Variants in DAB1 observed in about 807,000 individuals in gnomAD.
DAB1 encodes disabled homolog 1.
In DAB1, 15 loss-of-function variants were observed where a neutral mutation model predicts 64.6. The ratio of observed to expected loss-of-function variants is 0.23; its 90% confidence interval spans 0.16 to 0.36. The LOEUF (loss-of-function observed/expected upper bound fraction) is 0.36, where lower values mean the gene tolerates loss of function less well. Among genes scored for constraint, DAB1 ranks in the 10% least tolerant of loss-of-function variants. The pLI is 1.00. For synonymous variants in DAB1, 235 were observed against 251.9 expected (o/e 0.93, Z 0.64); for missense variants, 596 against 706.7 (o/e 0.84, Z 1.78).
intron 4 of DAB1, among the ~76,000 whole-genome samples, chr1:58,231,334 AG>A (rs1659766524): frequency 6.6e-6 from 1 of 152,216 alleles, no homozygotes; most frequent in Admixed American, 6.5e-5. Context: ...ATTCTATCAT[AG>A]GCAGAGCAGA....
chr1:58,069,952 C>T (rs1264953711), intron 5 of DAB1, among the ~76,000 whole-genome samples: 1 of 152,186 alleles, frequency 6.6e-6, no homozygotes, highest in Non-Finnish European at 1.5e-5. Context: ...TGCCCTTGCC[C>T]ACAGAGTCAG....
rs115039636 is a variant in DAB1 at position 58,429,778 on chromosome 1, G to A, written n.257+76282C>T. On this transcript the variant is annotated intron_variant and non_coding_transcript_variant, in intron 3 of 20. Transcript: ENST00000485760. Reference sequence around the variant, plus strand: ...TCCCTGAGCACCGCTTGCTTTCAGTGTAAAGCAAATATAGTAATGATGACT... The same window carrying A: ...TCCCTGAGCACCGCTTGCTTTCAGTATAAAGCAAATATAGTAATGATGACT... Among the ~76,000 whole-genome samples the A allele has an allele frequency of 6.2e-3, 949 of 152,320 alleles. 9 individuals are homozygous for A. The highest frequency in any genetic ancestry group is 0.022 in the African/African-American group (902 of 41,558).
intron 7 of DAB1, among the ~76,000 whole-genome samples, chr1:57,478,964 A>C (rs1570557894): frequency 6.6e-6 from 1 of 152,146 alleles, no homozygotes; most frequent in East Asian, 1.9e-4. Flanking sequence ...GTGAATGGCT[A>C]GTAGATTTCT....
intron 1 of DAB1, among the ~76,000 whole-genome samples, chr1:57,869,436 G>A (rs992460411): frequency 6.6e-6 from 1 of 151,658 alleles, no homozygotes; most frequent in African/African-American, 2.4e-5. Context: ...CACAAACAAA[G>A]TTGACACTTC....
At chr1:58,256,656 ACTGT>A (rs1275955961) in intron 4 of DAB1, among the ~76,000 whole-genome samples, 1 of 152,220 alleles carries the variant, frequency 6.6e-6, no homozygotes, top group East Asian at 1.9e-4. Context: ...CCATGTTTAT[ACTGT>A]CTGTCTGTCA....
At chr1:57,116,580 T>C (rs1488866275) in intron 4 of DAB1, among the ~76,000 whole-genome samples, 3 of 152,028 alleles carry the variant, frequency 2.0e-5, no homozygotes, top group African/African-American at 7.2e-5. Flanking sequence ...CTCATTTTAT[T>C]ATCCAAGTGG....
intron 3 of DAB1, chr1:58,505,911 C>A: frequency 1.9e-6 from 1 of 516,968 alleles, no homozygotes; most frequent in Non-Finnish European, 3.3e-6. Context: ...GCTTTTCAGT[C>A]AAATTCTGTG....
intron 4 of DAB1, among the ~76,000 whole-genome samples, chr1:58,328,633 T>G (rs968658998): frequency 6.6e-6 from 1 of 151,818 alleles, no homozygotes; most frequent in African/African-American, 2.4e-5. Context: ...CAAGATGGAG[T>G]CTTGCTCTGT....
chr1:57,813,901 C>T (rs1369366180), intron 6 of DAB1, among the ~76,000 whole-genome samples: 1 of 152,168 alleles, frequency 6.6e-6, no homozygotes, highest in Non-Finnish European at 1.5e-5. Context: ...AAAGGATCAG[C>T]ACCCTCTTCC....
intron 9 of DAB1, among the ~76,000 whole-genome samples, chr1:57,031,369 T>C (rs1158951094): frequency 6.6e-6 from 1 of 152,204 alleles, no homozygotes; most frequent in South Asian, 2.1e-4. Context: ...TTCCATCTGA[T>C]AATACTGCTC....
intron 5 of DAB1, among the ~76,000 whole-genome samples, chr1:57,928,035 T>A (rs763791906): frequency 1.3e-5 from 2 of 152,224 alleles, no homozygotes; most frequent in African/African-American, 4.8e-5. Context: ...TGAATATCAT[T>A]AACTGGAGTT....
Position 57,198,515 on chromosome 1 carries a change from T to C in DAB1, c.68-53086A>G, listed in dbSNP as rs377126058. On this transcript the variant is annotated intron_variant, in intron 2 of 14. Transcript: ENST00000371236. ...CACTATATTCCAAGAACACTGGCCT[T>C]CTCTCAATCCCTCAATCACCAAACC... Among the ~76,000 whole-genome samples, 41 of 152,140 alleles carry C rather than the reference T, an allele frequency of 2.7e-4. No individual in the cohort carries two copies. The East Asian group carries it at 4.6e-3, about 17-fold the overall frequency.
At chr1:58,405,931 C>G (rs1644612593) in intron 3 of DAB1, among the ~76,000 whole-genome samples, 1 of 152,150 alleles carries the variant, frequency 6.6e-6, no homozygotes, top group Non-Finnish European at 1.5e-5. Context: ...AAAGAATAGG[C>G]CATGTCTCAG....
At chr1:57,105,360 C>T (rs148158190) in intron 4 of DAB1, among the ~76,000 whole-genome samples, 121 of 152,014 alleles carry the variant, frequency 8.0e-4, no homozygotes, top group African/African-American at 2.7e-3. Context: ...GAGAAAAAGC[C>T]CTTTCAAGCG....
rs1188611188 is a variant in DAB1 at position 58,435,378 on chromosome 1, A to G, written n.257+70682T>C. ...TCTTTCCTTACTCTATATGCTTTCC[A>G]TGACCTTGTTTTTCCCCCATGGTCG... is the stretch of plus-strand genomic sequence containing the variant. On this transcript the variant is annotated intron_variant and non_coding_transcript_variant, in intron 3 of 20. Transcript: ENST00000485760. 2.0e-5 allele frequency among the ~76,000 whole-genome samples: 3 copies of G among 151,928 alleles called. No homozygotes were observed. In the East Asian group the frequency reaches 5.8e-4, roughly 29 times the overall value.
chr1:57,498,935 TG>T (rs1422802094), intron 7 of DAB1, among the ~76,000 whole-genome samples: 1 of 152,086 alleles, frequency 6.6e-6, no homozygotes, highest in African/African-American at 2.4e-5. Flanking sequence ...AGGGAGGAAA[TG>T]GGGGCAGGAG....
At chr1:58,325,009 T>A (rs187324554) in intron 4 of DAB1, among the ~76,000 whole-genome samples, 16 of 152,334 alleles carry the variant, frequency 1.1e-4, no homozygotes, top group African/African-American at 3.6e-4. Flanking sequence ...TGGCCTGGAA[T>A]CTTTCTCAAC....
chr1:58,387,185 C>T (rs1644439223), intron 3 of DAB1, among the ~76,000 whole-genome samples: 2 of 152,222 alleles, frequency 1.3e-5, no homozygotes, highest in African/African-American at 2.4e-5. Flanking sequence ...TGGTGGCAAA[C>T]ACTGCTGGCC....
At chr1:57,199,222 T>C (rs1337893780) in intron 2 of DAB1, among the ~76,000 whole-genome samples, 1 of 152,248 alleles carries the variant, frequency 6.6e-6, no homozygotes, top group Non-Finnish European at 1.5e-5. Context: ...ATAGGGTTCC[T>C]GCAGCTTTTA....
Sources: gnomAD v4.1 joint callset for allele counts (sites outside exome capture counted in the v4.1 genomes callset) on GRCh38, gnomAD v4.1.1 for gene constraint, MANE v1.5 for transcripts, NCBI Gene and HGNC (gene_info 2026-07-23, HGNC 2026-07-21) for gene names.